Variants in WDFY2 observed in about 807,000 individuals in gnomAD.
WDFY2 encodes WD repeat and FYVE domain containing 2.
A neutral mutation model predicts 56.4 loss-of-function variants in WDFY2; 36 were observed. The ratio of observed to expected loss-of-function variants is 0.64; its 90% CI spans 0.49 to 0.84. The LOEUF is 0.84. WDFY2 is among the 40% of genes least tolerant of loss of function. The pLI is 0.00. For missense variants in WDFY2, 444 were observed against 512.2 expected (o/e 0.87, Z 1.29); for synonymous variants, 176 against 183.7 (o/e 0.96, Z 0.34).
rs114536989 is a variant in WDFY2, at chr13:51,642,968, G to A, written c.138-17628G>A. Among the ~76,000 whole-genome samples, 663 of 152,260 alleles carry A rather than the reference G, an allele frequency of 4.4e-3. 7 individuals carry two copies. Among genetic ancestry groups the A allele is most frequent in the African/African-American group, 0.015 (644 of 41,552 alleles). ...TGGGATTACAGGCGTGAGGCACTGC[G>A]CCCAGCCATGTGGCCATGTGTCTTT... On this transcript the variant is annotated intron_variant, in intron 1 of 11. Transcript: ENST00000298125.
rs1006510284 is a variant in WDFY2, at chr13:51,605,010, T to A, written c.137+20186T>A. 2.0e-5 allele frequency among the ~76,000 whole-genome samples: 3 copies of A among 152,222 alleles called. 1 individual carries two copies. The South Asian group carries it at 6.2e-4, about 32-fold the overall frequency. On this transcript the variant is annotated intron_variant, in intron 1 of 11. Transcript: ENST00000298125. ...AAGGCTCAGTTTCCTAGATGATAAG[T>A]GGGGATTATTGAAGCCTTGGGGATG...
chr13:51,695,595 G>T lies in WDFY2; in HGVS notation c.280-8001G>T, dbSNP rs571043597. 2.9e-3 allele frequency among the ~76,000 whole-genome samples: 440 copies of T among 152,324 alleles called. 1 individual carries two copies. The highest frequency in any genetic ancestry group is 0.01 in the African/African-American group (423 of 41,562). On this transcript the variant is annotated intron_variant, in intron 3 of 11. Coordinates refer to ENST00000298125, the MANE Select transcript of WDFY2 (RefSeq NM_052950.4). The stretch of plus-strand genomic sequence containing the variant: ...TGTGAGGTGTCAGTCTGCCCCTACT[G>T]GGGGGTGCCTCCCAGTTAGGCTGCT...
intron 7 of WDFY2, among the ~76,000 whole-genome samples, chr13:51,749,371 A>G (rs773475982): frequency 5.6e-4 from 86 of 152,292 alleles, no homozygotes; most frequent in Non-Finnish European, 9.4e-4. Context: ...CCCTGTTTTG[A>G]TTTGAAAAAC....
intron 4 of WDFY2, 95 bp from the exon 5 acceptor site, chr13:51,719,103 G>T (rs2138628221): frequency 6.5e-7 from 1 of 1,538,724 alleles, no homozygotes; most frequent in Non-Finnish European, 8.9e-7. Context: ...CTTATTCTGG[G>T]GTGGGGAGAA....
At chr13:51,685,706 T>C (rs1366926768) in intron 3 of WDFY2, among the ~76,000 whole-genome samples, 4 of 152,110 alleles carry the variant, frequency 2.6e-5, no homozygotes, top group Non-Finnish European at 5.9e-5. Context: ...AGAAAATCCA[T>C]GTATAAGTAG....
At chr13:51,749,817 T>C (rs1953187612) in intron 7 of WDFY2, among the ~76,000 whole-genome samples, 1 of 152,210 alleles carries the variant, frequency 6.6e-6, no homozygotes, top group African/African-American at 2.4e-5. Flanking sequence ...TTTTGTTACC[T>C]AAAGACCTTG....
intron 7 of WDFY2, 152 bp from the exon 8 acceptor site, chr13:51,751,158 C>T: frequency 1.6e-6 from 1 of 615,234 alleles, no homozygotes; most frequent in Non-Finnish European, 2.7e-6. Context: ...ACTCTTCTGA[C>T]CTTTAACATG....
chr13:51,681,232 C>T lies in WDFY2; in HGVS notation c.279+5989C>T, dbSNP rs1955971864. ...ATTTTCACCTTAATCAGCTTCAAAA[C>T]AGCAGTGTAATAGTAGACTCTCACT... is the stretch of plus-strand genomic sequence containing the variant. On this transcript the variant is annotated intron_variant, in intron 3 of 11. Transcript: ENST00000298125. Among the ~76,000 whole-genome samples the T allele has an allele frequency of 3.3e-5, 5 of 152,176 alleles. No individual in the cohort carries two copies. In the South Asian group the frequency reaches 6.2e-4, roughly 19 times the overall value.
In WDFY2 at chr13:51,767,695, G is replaced by GTT. The variant is rs1953794597; in HGVS notation, c.*7928_*7929dup. On this transcript the variant is annotated 3_prime_UTR_variant, in exon 12 of 12. Coordinates refer to ENST00000298125, the MANE Select transcript of WDFY2 (RefSeq NM_052950.4). ...AATGTAAACTAGGCCTCATTAAATT[G>GTT]TTTGTGTAAATATGCATCGTCCCTT... is the stretch of plus-strand genomic sequence containing the variant. The GTT allele has an allele frequency of 6.7e-6, 1 of 149,456 alleles. No homozygotes were observed. Among genetic ancestry groups the GTT allele is most frequent in the African/African-American group, 2.6e-5 (1 of 39,138 alleles). 9.3% of individuals were successfully genotyped at this position (149,456 alleles called of 1,614,324 possible). A position where few individuals can be genotyped will look rare whatever the true frequency, so the allele number is the denominator to read the frequency against.
At chr13:51,652,865 A>G (rs1955423025) in intron 1 of WDFY2, among the ~76,000 whole-genome samples, 1 of 152,072 alleles carries the variant, frequency 6.6e-6, no homozygotes, top group African/African-American at 2.4e-5. Flanking sequence ...ACTTTGGTGA[A>G]TCTGATAATT....
intron 7 of WDFY2, among the ~76,000 whole-genome samples, chr13:51,740,091 T>A (rs544064308): frequency 6.6e-6 from 1 of 152,362 alleles, no homozygotes; most frequent in Non-Finnish European, 1.5e-5. Flanking sequence ...GTAAATCTGC[T>A]TGGAAACCCT....
chr13:51,743,287 G>A (rs1006697874), intron 7 of WDFY2, among the ~76,000 whole-genome samples: 2 of 152,220 alleles, frequency 1.3e-5, no homozygotes, highest in African/African-American at 2.4e-5. Flanking sequence ...TCATTAGTGT[G>A]CAGGCCTCTG....
chr13:51,627,752 A>G (rs980858895), intron 1 of WDFY2, among the ~76,000 whole-genome samples: 11 of 152,242 alleles, frequency 7.2e-5, no homozygotes, highest in African/African-American at 2.6e-4. Context: ...TGAGCAAGGC[A>G]AAGAGGTGCT....
intron 2 of WDFY2, among the ~76,000 whole-genome samples, chr13:51,668,485 A>C (rs1395685132): frequency 1.3e-5 from 2 of 152,212 alleles, no homozygotes; most frequent in Non-Finnish European, 2.9e-5. Flanking sequence ...TTAGTGCTAG[A>C]AAATTGAAGT....
chr13:51,707,360 T>C (rs1952105579), intron 4 of WDFY2, among the ~76,000 whole-genome samples: 1 of 152,144 alleles, frequency 6.6e-6, no homozygotes, highest in Non-Finnish European at 1.5e-5. Flanking sequence ...GGTTTTGCCA[T>C]GTTGCCCAGG....
At position 51,751,181 on chromosome 13, in the gene WDFY2, A is replaced by G. The variant is rs547744559; in HGVS notation, c.726-129A>G. 4 of 699,416 alleles carry G rather than the reference A, an allele frequency of 5.7e-6. No individual in the cohort carries two copies. In the East Asian group the frequency reaches 1.3e-4, roughly 23 times the overall value. 43.3% of individuals were successfully genotyped at this position (699,416 alleles called of 1,614,324 possible). On this transcript the variant is annotated intron_variant, in intron 7 of 11. Coordinates refer to ENST00000298125, the MANE Select transcript of WDFY2 (RefSeq NM_052950.4). ...GACCTTTAACATGCTGAAAATTCCA[A>G]CAGGTTTCTAAGATCTACACTGGGG...
At chr13:51,733,316 C>T (rs775618815) in intron 6 of WDFY2, among the ~76,000 whole-genome samples, 1 of 152,154 alleles carries the variant, frequency 6.6e-6, no homozygotes, top group African/African-American at 2.4e-5. Context: ...GGATTACAGG[C>T]GTGAGCCACT....
At chr13:51,666,832 TTAAA>T (rs1271227498) in intron 2 of WDFY2, among the ~76,000 whole-genome samples, 7 of 152,222 alleles carry the variant, frequency 4.6e-5, no homozygotes, top group Non-Finnish European at 1.5e-5. Flanking sequence ...AGGTAATACA[TTAAA>T]TAAATAATCT....
chr13:51,660,577 A>G lies in WDFY2; in HGVS notation c.138-19A>G, dbSNP rs748042337. 7.5e-6 allele frequency: 12 copies of G among 1,608,574 alleles called. No individual in the cohort carries two copies. The highest frequency in any genetic ancestry group is 1.0e-5 in the Non-Finnish European group (12 of 1,175,464). ...CTAAGAATAATGTGATTTCATGTAC[A>G]TATTTTCTTCTGTTGTAGGACAGTT... On this transcript the variant is annotated intron_variant, in intron 1 of 11. Transcript: ENST00000298125.
Sources: allele counts gnomAD v4.1 joint callset (sites outside exome capture counted in the v4.1 genomes callset), GRCh38; gene constraint gnomAD v4.1.1; transcripts MANE v1.5; gene names NCBI Gene and HGNC (gene_info 2026-07-23, HGNC 2026-07-21).